The following GAGE10 variants were observed in gnomAD, a reference collection of about 807,000 sequenced individuals.
GAGE10 encodes G antigen 10.
A neutral mutation model predicts 11.5 loss-of-function variants in GAGE10; 9 were observed. The observed-to-expected ratio is 0.78, with a 90% CI of 0.47 to 1.37. GAGE10 has a LOEUF of 1.37. Among genes scored for constraint, GAGE10 ranks in the 40% most tolerant of loss-of-function variants. The pLI, the probability that GAGE10 is intolerant of heterozygous loss-of-function variation, is 0.00. For missense variants in GAGE10, 83 were observed against 92.9 expected (o/e 0.89, Z 0.44); for synonymous variants, 23 against 29.7 (o/e 0.77, Z 0.73).
At chrX:49,304,155 G>A (rs1170677897) in intron 1 of GAGE10, among the ~76,000 whole-genome samples, 3 of 111,874 alleles carry the variant, frequency 2.7e-5, no homozygotes, top group African/African-American at 9.8e-5. Flanking sequence ...GGTGCGAGGA[G>A]GGCGATAAAG....
chrX:49,309,198 G>A (rs79219927), intron 3 of GAGE10, among the ~76,000 whole-genome samples: 3 of 111,729 alleles, frequency 2.7e-5, no homozygotes, highest in Admixed American at 9.5e-5. Flanking sequence ...GTGAAAGTGC[G>A]CCACAAGGGA....
At chrX:49,318,457 C>T (rs2066402196) in intron 4 of GAGE10, among the ~76,000 whole-genome samples, 3 of 44,738 alleles carry the variant, frequency 6.7e-5, no homozygotes, top group African/African-American at 2.4e-4. Context: ...CACAAGCCAC[C>T]GTGCCTGACT....
chrX:49,308,775 C>T (rs1557124424), intron 3 of GAGE10, among the ~76,000 whole-genome samples: 1 of 111,241 alleles, frequency 9.0e-6, no homozygotes. Context: ...GTGTGTGGAC[C>T]TACCCAGGAC....
At chrX:49,305,282 T>C in intron 2 of GAGE10, 122 bp from the exon 3 acceptor site, 1 of 1,126,076 alleles carries the variant, frequency 8.9e-7, no homozygotes. Flanking sequence ...AGCATAGAGT[T>C]GGAGAAATGT....
chrX:49,313,530 G>T (rs2066382073), intron 3 of GAGE10, among the ~76,000 whole-genome samples: 1 of 111,840 alleles, frequency 8.9e-6, no homozygotes, highest in South Asian at 3.7e-4. Flanking sequence ...TGTAGGAGGT[G>T]CATAGCTGGG....
intron 3 of GAGE10, among the ~76,000 whole-genome samples, chrX:49,315,874 T>G (rs1557125168): frequency 8.9e-6 from 1 of 111,793 alleles, no homozygotes; most frequent in Admixed American, 9.5e-5. Flanking sequence ...CCCTGATTAT[T>G]AGGAGTATTC....
intron 3 of GAGE10, among the ~76,000 whole-genome samples, chrX:49,306,836 TAAACAAAC>T (rs10580626): frequency 1.4e-4 from 15 of 108,641 alleles, no homozygotes; most frequent in Non-Finnish European, 2.5e-4. Flanking sequence ...AATAAATAAA[TAAACAAAC>T]AAACAAACAA....
At chrX:49,313,703 T>A (rs1216906882) in intron 3 of GAGE10, among the ~76,000 whole-genome samples, 4 of 111,817 alleles carry the variant, frequency 3.6e-5, no homozygotes, top group African/African-American at 1.3e-4. Context: ...GTTGCAGGTG[T>A]CACACCTTGG....
intron 3 of GAGE10, among the ~76,000 whole-genome samples, chrX:49,308,566 G>A (rs1198075532): frequency 3.9e-4 from 44 of 112,419 alleles, no homozygotes; most frequent in African/African-American, 1.3e-3. Context: ...CCCGGGGACC[G>A]ACCACTAATC....
chrX:49,310,566 G>A (rs1347102643), intron 3 of GAGE10, among the ~76,000 whole-genome samples: 2 of 111,806 alleles, frequency 1.8e-5, no homozygotes, highest in Non-Finnish European at 3.8e-5. Flanking sequence ...GCTAGTTGTG[G>A]TGCTTCCGAG....
chrX:49,314,232 T>C (rs2066384135), intron 3 of GAGE10, among the ~76,000 whole-genome samples: 2 of 112,082 alleles, frequency 1.8e-5, no homozygotes, highest in Non-Finnish European at 3.8e-5. Context: ...ATACCATAGT[T>C]AAAATTCTAC....
intron 4 of GAGE10, among the ~76,000 whole-genome samples, chrX:49,317,567 C>A (rs1473968579): frequency 4.5e-5 from 5 of 111,264 alleles, no homozygotes; most frequent in Non-Finnish European, 9.4e-5. Flanking sequence ...AGGTTGTTCC[C>A]GAACTCCTGA....
chrX:49,309,739 C>T (rs1459558344), intron 3 of GAGE10, among the ~76,000 whole-genome samples: 1 of 111,828 alleles, frequency 8.9e-6, no homozygotes, highest in Non-Finnish European at 1.9e-5. Context: ...TTCCAATCTA[C>T]CCCCCTTTAC....
intron 3 of GAGE10, among the ~76,000 whole-genome samples, chrX:49,307,020 C>T (rs1218075395): frequency 9.0e-6 from 1 of 111,088 alleles, no homozygotes; most frequent in African/African-American, 3.3e-5. Flanking sequence ...TAAAAAAAAC[C>T]TCCTGTCTTC....
chrX:49,307,921 T>C (rs782739611), intron 3 of GAGE10, among the ~76,000 whole-genome samples: 161 of 112,264 alleles, frequency 1.4e-3, no homozygotes, highest in African/African-American at 4.9e-3. Context: ...GGCTAGTGAG[T>C]CTTATCTCTC....
chrX:49,315,840 G>A (rs1322629751), intron 3 of GAGE10, among the ~76,000 whole-genome samples: 1 of 111,590 alleles, frequency 9.0e-6, no homozygotes, highest in African/African-American at 3.3e-5. Context: ...CTTGGCATCT[G>A]CCTCATCCTC....
chrX:49,312,047 C>T (rs2066377564), intron 3 of GAGE10, among the ~76,000 whole-genome samples: 1 of 112,113 alleles, frequency 8.9e-6, no homozygotes, highest in Non-Finnish European at 1.9e-5. Context: ...TGTGGAGGAC[C>T]CTGATTGGAA....
At chrX:49,317,371 G>A (rs1210056865) in intron 4 of GAGE10, 83 bp downstream of exon 4, 2 of 1,124,471 alleles carry the variant, frequency 1.8e-6, no homozygotes, top group Admixed American at 2.3e-5. Context: ...TTTTTGAGAT[G>A]GAGTCTTGCT....
In GAGE10 at chrX:49,317,236, T is replaced by A; in HGVS notation, c.276T>A (p.Asp92Glu). 3.3e-6 allele frequency: 4 copies of A among 1,208,267 alleles called. No homozygotes were observed. The highest frequency in any genetic ancestry group is 4.5e-6 in the Non-Finnish European group (4 of 893,117). ...KTGCECGDGP[D>E]GQEMGLPNPE... ...GGTGTGAGTGTGGAGATGGTCCTGA[T>A]GGCCAGGAGATGGGCCTGCCAAATC... Residue 92 changes from aspartate to glutamate, a missense_variant, in exon 4 of 5, where the codon GAT (aspartate) becomes GAA (glutamate). Asp to Glu is a conservative substitution (Grantham distance 45). Transcript: ENST00000407599.
Sources: allele counts gnomAD v4.1 joint callset (sites outside exome capture counted in the v4.1 genomes callset), GRCh38; gene constraint gnomAD v4.1.1; transcripts MANE v1.5; gene names NCBI Gene and HGNC (gene_info 2026-07-23, HGNC 2026-07-21).